The following KLHL7 variants were observed in gnomAD, a reference collection of about 807,000 sequenced individuals.
KLHL7 encodes the protein kelch like family member 7.
A neutral mutation model predicts 67.4 loss-of-function variants in KLHL7; 44 were observed. That is an observed-to-expected ratio of 0.65 (90% CI 0.51 to 0.84). KLHL7 has a LOEUF of 0.84. Among genes scored for constraint, KLHL7 ranks in the 40% least tolerant of loss-of-function variants. The probability of loss-of-function intolerance (pLI) is 0.00; values close to 1 mark genes in which losing one functional copy is unlikely to be tolerated. For missense variants in KLHL7, 362 were observed against 718.1 expected (o/e 0.50, Z 5.67); for synonymous variants, 252 against 243.3 (o/e 1.04, Z -0.33).
Position 23,140,908 on chromosome 7 carries a change from C to G in KLHL7, c.582C>G (p.Leu194=). 3 of 1,614,022 alleles carry G rather than the reference C, an allele frequency of 1.9e-6. No homozygotes were observed. The highest frequency in any genetic ancestry group is 2.5e-6 in the Non-Finnish European group (3 of 1,179,992). The change falls in exon 5 of 11, where the codon CTC becomes CTG. Residue 194 remains leucine, a synonymous_variant. Coordinates refer to ENST00000339077, the MANE Select transcript of KLHL7 (RefSeq NM_001031710.3). ...ATGTCAAGCGAGTAACACATCTTCT[C>G]AACCAGGACACTCTGACTGTGAGAG... ...QLDVKRVTHL[L]NQDTLTVRAE... is the part of the protein sequence containing the mutation.
intron 1 of KLHL7, among the ~76,000 whole-genome samples, chr7:23,121,642 A>G (rs548444729): frequency 4.6e-5 from 7 of 150,656 alleles, no homozygotes; most frequent in African/African-American, 1.7e-4. Flanking sequence ...TAGCTTATTA[A>G]TAACAGGAGG....
chr7:23,164,392 T>G (rs1252313609), intron 7 of KLHL7, among the ~76,000 whole-genome samples: 1 of 152,224 alleles, frequency 6.6e-6, no homozygotes, highest in Non-Finnish European at 1.5e-5. Context: ...TGATTTAGTT[T>G]ATCTTTGAGG....
chr7:23,172,137 G>T (rs768281611), intron 9 of KLHL7: 2 of 456,404 alleles, frequency 4.4e-6, no homozygotes, highest in Admixed American at 4.7e-5. Flanking sequence ...GCTGCTGAAA[G>T]CACAAGCCTG....
At chr7:23,121,778 G>T (rs1271801351) in intron 1 of KLHL7, among the ~76,000 whole-genome samples, 1 of 150,796 alleles carries the variant, frequency 6.6e-6, no homozygotes, top group Non-Finnish European at 1.5e-5. Context: ...CGCCTCCTGG[G>T]TTCATGCCGT....
At chr7:23,149,385 C>T (rs1784461581) in intron 6 of KLHL7, among the ~76,000 whole-genome samples, 1 of 152,202 alleles carries the variant, frequency 6.6e-6, no homozygotes, top group Non-Finnish European at 1.5e-5. Context: ...GCCACTTTTA[C>T]CACATGGCCT....
At chr7:23,134,791 A>G (rs559961335) in intron 4 of KLHL7, among the ~76,000 whole-genome samples, 2 of 152,132 alleles carry the variant, frequency 1.3e-5, no homozygotes, top group Admixed American at 6.5e-5. Context: ...CTGCACTATC[A>G]GTTGTAGTGT....
At chr7:23,106,168 C>T in intron 1 of KLHL7, 22 bp downstream of exon 1, 1 of 1,607,026 alleles carries the variant, frequency 6.2e-7, no homozygotes, top group East Asian at 2.2e-5. Flanking sequence ...GTGGGAGTGA[C>T]GGACGACGGT....
intron 1 of KLHL7, among the ~76,000 whole-genome samples, chr7:23,121,834 C>T (rs925628620): frequency 6.6e-6 from 1 of 152,022 alleles, no homozygotes; most frequent in Non-Finnish European, 1.5e-5. Flanking sequence ...AGGTGCCCAC[C>T]ACCACACCTG....
intron 9 of KLHL7, among the ~76,000 whole-genome samples, chr7:23,170,696 CTGACT>C (rs1206843866): frequency 6.6e-6 from 1 of 152,150 alleles, no homozygotes; most frequent in African/African-American, 2.4e-5. Flanking sequence ...CCCAGTTACT[CTGACT>C]TGATCATTAC....
chr7:23,145,019 G>T (rs748276310), intron 6 of KLHL7, among the ~76,000 whole-genome samples: 2 of 151,996 alleles, frequency 1.3e-5, no homozygotes, highest in Non-Finnish European at 2.9e-5. Flanking sequence ...GATTGCTTGA[G>T]CCCAGGAGTT....
chr7:23,141,401 G>A (rs1784177152), intron 5 of KLHL7, among the ~76,000 whole-genome samples: 1 of 152,248 alleles, frequency 6.6e-6, no homozygotes, highest in Non-Finnish European at 1.5e-5. Flanking sequence ...GAAGGTGGAA[G>A]GGGACCATAA....
At chr7:23,157,037 T>C (rs1380758079) in intron 7 of KLHL7, among the ~76,000 whole-genome samples, 1 of 152,090 alleles carries the variant, frequency 6.6e-6, no homozygotes, top group East Asian at 1.9e-4. Flanking sequence ...CTTAAACAGG[T>C]CCTCCCTAAG....
At chr7:23,149,106 AG>A (rs1784452002) in intron 6 of KLHL7, among the ~76,000 whole-genome samples, 1 of 152,244 alleles carries the variant, frequency 6.6e-6, no homozygotes, top group Non-Finnish European at 1.5e-5. Context: ...TACATCCAAA[AG>A]AAAATGAATT....
Position 23,152,276 on chromosome 7 carries a change from C to T in KLHL7, c.936+67C>T, listed in dbSNP as rs1784561148. On this transcript the variant is annotated intron_variant, in intron 7 of 10. Coordinates refer to ENST00000339077, the MANE Select transcript of KLHL7 (RefSeq NM_001031710.3). ...ATCACTGAACACATAAGACACTCAC[C>T]AACTAGAAGTAGTAATAACTCATAC... The T allele has an allele frequency of 8.4e-6, 12 of 1,429,348 alleles. No homozygotes were observed. The South Asian group carries it at 1.4e-4, about 16-fold the overall frequency. 88.5% of individuals were successfully genotyped at this position (1,429,348 alleles called of 1,614,324 possible). A position where few individuals can be genotyped will look rare whatever the true frequency, so the allele number is the denominator to read the frequency against.
At chr7:23,108,316 C>T (rs914518961) in intron 1 of KLHL7, among the ~76,000 whole-genome samples, 2 of 152,186 alleles carry the variant, frequency 1.3e-5, no homozygotes, top group African/African-American at 2.4e-5. Flanking sequence ...CGATTCTATA[C>T]ATAGAGGCAA....
At chr7:23,145,593 G>A (rs1278813108) in intron 6 of KLHL7, among the ~76,000 whole-genome samples, 1 of 152,114 alleles carries the variant, frequency 6.6e-6, no homozygotes, top group African/African-American at 2.4e-5. Context: ...CAGAGTAGCT[G>A]GTCATTTTTA....
intron 7 of KLHL7, among the ~76,000 whole-genome samples, chr7:23,163,741 G>A (rs779400847): frequency 2.0e-5 from 3 of 152,176 alleles, no homozygotes; most frequent in African/African-American, 4.8e-5. Flanking sequence ...ACATGTGTAC[G>A]TGTGTATAAT....
At chr7:23,118,013 G>T in intron 1 of KLHL7, 3 of 1,607,966 alleles carry the variant, frequency 1.9e-6, no homozygotes, top group Non-Finnish European at 2.6e-6. Context: ...AGAATAGAAC[G>T]TGGGGCAGTT....
rs147254328 is a variant in KLHL7, at chr7:23,114,632, C to T, written c.120+8486C>T. Among the ~76,000 whole-genome samples the T allele has an allele frequency of 1.7e-3, 258 of 152,274 alleles. 1 individual carries two copies. The highest frequency in any genetic ancestry group is 5.7e-3 in the African/African-American group (235 of 41,560). On this transcript the variant is annotated intron_variant, in intron 1 of 10. Transcript: ENST00000339077. ...GGAATGCTTTGTTCTATCTTAAATGCTTATGTGGCTACTTTCCTCTACCAA... is the reference window on the plus strand; with the variant it reads ...GGAATGCTTTGTTCTATCTTAAATGTTTATGTGGCTACTTTCCTCTACCAA...
Sources: allele counts gnomAD v4.1 joint callset (sites outside exome capture counted in the v4.1 genomes callset), GRCh38; gene constraint gnomAD v4.1.1; transcripts MANE v1.5; gene names NCBI Gene and HGNC (gene_info 2026-07-23, HGNC 2026-07-21).